The following LRIT3 variants were observed in gnomAD, a reference collection of about 807,000 sequenced individuals.
The protein encoded by LRIT3 is leucine rich repeat, Ig-like and transmembrane domains 3, also known as leucine-rich repeat, immunoglobulin-like domain and transmembrane domain-containing protein 3.
LRIT3 carries 14 observed loss-of-function variants against 22.6 expected under a neutral mutation model. That is an observed-to-expected ratio of 0.62 (90% CI 0.41 to 0.97). LRIT3 has a LOEUF of 0.97. Ranked by LOEUF, LRIT3 falls within the 50% of genes least tolerant of loss-of-function variation. The probability of loss-of-function intolerance (pLI) is 0.00; values close to 1 mark genes in which losing one functional copy is unlikely to be tolerated. For synonymous variants in LRIT3, 306 were observed against 304.5 expected (o/e 1.01, Z -0.05); for missense variants, 783 against 803.0 (o/e 0.98, Z 0.30).
chr4:109,863,543 T>A (rs1053478113), intron 2 of LRIT3, among the ~76,000 whole-genome samples: 8 of 152,238 alleles, frequency 5.3e-5, no homozygotes, highest in African/African-American at 1.9e-4. Context: ...TATTCTGCAC[T>A]ATCTTTTCAA....
chr4:109,848,685 G>A (rs140090981), intron 1 of LRIT3, among the ~76,000 whole-genome samples: 16 of 152,310 alleles, frequency 1.1e-4, no homozygotes, highest in East Asian at 5.8e-4. Flanking sequence ...CAGGAGCTGC[G>A]TGACATGCTC....
rs201205234 is a variant in LRIT3, at chr4:109,869,616, T to C, written c.896-29T>C. The C allele has an allele frequency of 4.2e-5, 64 of 1,520,394 alleles. No individual in the cohort carries two copies. In the Middle Eastern group the frequency reaches 2.0e-3, roughly 47 times the overall value. 94.2% of individuals were successfully genotyped at this position (1,520,394 alleles called of 1,614,324 possible). A position where few individuals can be genotyped will look rare whatever the true frequency, so the allele number is the denominator to read the frequency against. On this transcript the variant is annotated intron_variant, in intron 3 of 3. Coordinates refer to ENST00000594814, the MANE Select transcript of LRIT3 (RefSeq NM_198506.5). ...GTGGCTTGAATTTTCTTTTTGTTCC[T>C]CACAGACTATACATTTGTTTTCTTC...
intron 3 of LRIT3, among the ~76,000 whole-genome samples, chr4:109,868,642 C>A (rs1268588615): frequency 2.0e-5 from 3 of 151,008 alleles, no homozygotes; most frequent in Non-Finnish European, 4.4e-5. Flanking sequence ...ACATGGACAC[C>A]TTATTATGAA....
intron 2 of LRIT3, chr4:109,865,188 G>C: frequency 6.7e-7 from 1 of 1,483,704 alleles, no homozygotes; most frequent in Non-Finnish European, 9.2e-7. Context: ...TTGCCGATGA[G>C]AAAACAGGCT....
At chr4:109,850,403 CTTCCTTCCTTCCTTCCTTCCTTTCT>C (rs1734192748) in intron 1 of LRIT3, among the ~76,000 whole-genome samples, 2 of 6,294 alleles carry the variant, frequency 3.2e-4, no homozygotes, top group South Asian at 0.017. Flanking sequence ...TCCTTCCTTC[CTTCCTTCCTTCCTTCCTTCCTTTCT>C]TTCTTTCTTT....
chr4:109,850,280 G>A (rs1469962391), intron 1 of LRIT3, among the ~76,000 whole-genome samples: 1 of 151,926 alleles, frequency 6.6e-6, no homozygotes, highest in Non-Finnish European at 1.5e-5. Flanking sequence ...TAGGAGATAA[G>A]TCTTTTTCCA....
chr4:109,859,793 G>A (rs2125899229), intron 2 of LRIT3, among the ~76,000 whole-genome samples: 1 of 152,270 alleles, frequency 6.6e-6, no homozygotes, highest in African/African-American at 2.4e-5. Flanking sequence ...CTCTGCAGGG[G>A]GAAGCACATC....
intron 2 of LRIT3, among the ~76,000 whole-genome samples, chr4:109,853,602 T>C (rs1734324220): frequency 6.6e-6 from 1 of 152,226 alleles, no homozygotes; most frequent in Non-Finnish European, 1.5e-5. Flanking sequence ...TTTAATTAGA[T>C]CCCATTTGTC....
Position 109,867,705 on chromosome 4 carries a change from C to A in LRIT3, c.654C>A (p.Val218=). ...CCAAAATGATTGAGTTGTCAAAGGT[C>A]GTTGACCCTGCTATAGTGCTTCTGG... ...HISKMIELSK[V]VDPAIVLLDP... is the part of the protein sequence containing the mutation. The change falls in exon 3 of 4, where the codon GTC becomes GTA. Residue 218 remains valine, a synonymous_variant. Transcript: ENST00000594814. The A allele has an allele frequency of 6.2e-7, 1 of 1,614,142 alleles. No individual in the cohort carries two copies. The highest frequency in any genetic ancestry group is 1.1e-5 in the South Asian group (1 of 91,080).
chr4:109,851,958 C>T lies in LRIT3; in HGVS notation c.571C>T (p.Pro191Ser), dbSNP rs1734284546. 1 of 1,547,584 alleles carries T rather than the reference C, an allele frequency of 6.5e-7. No individual in the cohort carries two copies. The highest frequency in any genetic ancestry group is 1.2e-5 in the South Asian group (1 of 83,306). Residue 191 changes from proline (P) to serine (S), a missense_variant, in exon 2 of 4, where the codon CCA becomes TCA. This residue lies in a region of LRIT3 where 756 missense variants were observed against 753.8 expected (regional missense o/e 1.00). Transcript: ENST00000594814. ...STPSGVLDLS[P>S]SRIILGLQDN... ...ACCTTCTGGAGTCCTGGACCTTTCC[C>T]CAAGCAGGATTATTCTTGGTAAGCT...
intron 2 of LRIT3, among the ~76,000 whole-genome samples, chr4:109,864,112 C>T (rs1331465850): frequency 6.6e-6 from 1 of 152,004 alleles, no homozygotes; most frequent in African/African-American, 2.4e-5. Context: ...CTATGATGAG[C>T]ATAGCTTTTA....
At chr4:109,859,852 A>C (rs1157839849) in intron 2 of LRIT3, among the ~76,000 whole-genome samples, 1 of 152,182 alleles carries the variant, frequency 6.6e-6, no homozygotes, top group East Asian at 1.9e-4. Flanking sequence ...GTCCTTACAC[A>C]ATCCTGCATG....
chr4:109,857,490 A>G lies in LRIT3; in HGVS notation c.589+5514A>G, dbSNP rs114151772. 6.5e-3 allele frequency among the ~76,000 whole-genome samples: 996 copies of G among 152,296 alleles called. 11 individuals carry two copies. The highest frequency in any genetic ancestry group is 0.023 in the African/African-American group (950 of 41,558). On this transcript the variant is annotated intron_variant, in intron 2 of 3. Coordinates refer to ENST00000594814, the MANE Select transcript of LRIT3 (RefSeq NM_198506.5). ...TACTTATAACCCTTTCTCCAGCCCA[A>G]ACTCTCATACCAATCATAGCTATGG...
intron 2 of LRIT3, among the ~76,000 whole-genome samples, chr4:109,858,519 C>T (rs1227965366): frequency 6.6e-6 from 1 of 152,082 alleles, no homozygotes. Flanking sequence ...TTGATGTTCA[C>T]CTGGGGAAAC....
chr4:109,850,483 C>CTTTCTTTCT (rs1734221117), intron 1 of LRIT3, among the ~76,000 whole-genome samples: 1 of 132,604 alleles, frequency 7.5e-6, no homozygotes, highest in African/African-American at 2.9e-5. Context: ...TTCTTTCTTT[C>CTTTCTTTCT]TTTTCTATTT....
rs1579382674 is a variant in LRIT3 at position 109,869,690 on chromosome 4, G to C, written c.941G>C (p.Ser314Thr). Residue 314 changes from serine (S) to threonine (T), a missense_variant, in exon 4 of 4, where the codon AGC (serine) becomes ACC (threonine). By Grantham distance (58) the Ser-to-Thr change is moderately conservative (BLOSUM62 1). Around this residue, in one of 2 missense-constraint regions of LRIT3, gnomAD observed 756 missense variants for 753.8 expected, o/e 1.00. Coordinates refer to ENST00000594814, the MANE Select transcript of LRIT3 (RefSeq NM_198506.5). The part of the protein sequence containing the change: ...PEEGVRWSIM[S>T]LTGISSKDAG... ...GAAGGAGTCAGATGGTCCATAATGA[G>C]CTTGACAGGCATTTCTTCCAAAGAC... is the stretch of plus-strand genomic sequence containing the variant. 1 of 1,593,334 alleles carries C rather than the reference G, an allele frequency of 6.3e-7. No homozygotes were observed. The highest frequency in any genetic ancestry group is 1.3e-5 in the African/African-American group (1 of 74,496).
At position 109,849,691 on chromosome 4, in the gene LRIT3, C is replaced by T. The variant is rs183299139; in HGVS notation, c.116+1374C>T. Among the ~76,000 whole-genome samples the T allele has an allele frequency of 1.6e-4, 24 of 152,356 alleles. No homozygotes were observed. In the East Asian group the frequency reaches 3.9e-3, roughly 24 times the overall value. ...GCAGTGGCACAATCTCGGCTCACTGCAACCTCCATCTCCCGGGCTCAAGCA... is the reference window on the plus strand; with the variant it reads ...GCAGTGGCACAATCTCGGCTCACTGTAACCTCCATCTCCCGGGCTCAAGCA... On this transcript the variant is annotated intron_variant, in intron 1 of 3. Coordinates refer to ENST00000594814, the MANE Select transcript of LRIT3 (RefSeq NM_198506.5).
chr4:109,864,690 C>G (rs1734635758), intron 2 of LRIT3, among the ~76,000 whole-genome samples: 1 of 152,034 alleles, frequency 6.6e-6, no homozygotes, highest in Non-Finnish European at 1.5e-5. Context: ...GTGAAAAATA[C>G]ATGTACAAAG....
rs867290222 is a variant in LRIT3 at position 109,851,608 on chromosome 4, C to T, written c.221C>T (p.Ala74Val). ...IEKTVIRRIS[A>V]EAFYYLVELQ... ...AAGACTGTCATCCGCAGAATCTCTGCGGAGGCCTTCTATTACCTGGTGGAG... is the reference window on the plus strand; with the variant it reads ...AAGACTGTCATCCGCAGAATCTCTGTGGAGGCCTTCTATTACCTGGTGGAG... Residue 74 changes from alanine to valine, a missense_variant, in exon 2 of 4, where the codon GCG (alanine) becomes GTG (valine). By Grantham distance (64) the Ala-to-Val change is moderately conservative (BLOSUM62 0). Around this residue, in one of 2 missense-constraint regions of LRIT3, gnomAD observed 756 missense variants for 753.8 expected, o/e 1.00. Transcript: ENST00000594814. 41 of 1,551,618 alleles carry T rather than the reference C, an allele frequency of 2.6e-5. No individual in the cohort carries two copies. In the African/African-American group the frequency reaches 3.1e-4, roughly 12 times the overall value.
Sources: gnomAD v4.1 joint callset for allele counts (sites outside exome capture counted in the v4.1 genomes callset) on GRCh38, gnomAD v4.1.1 for gene constraint, gnomAD v4.1.1 regional missense constraint, MANE v1.5 for transcripts, NCBI Gene and HGNC (gene_info 2026-07-23, HGNC 2026-07-21) for gene names.